The following POT1 variants were observed in gnomAD, a reference collection of about 807,000 sequenced individuals.
POT1 encodes the protein protection of telomeres 1.
A neutral mutation model predicts 78.5 loss-of-function variants in POT1; 47 were observed. That is an observed-to-expected ratio of 0.60 (90% CI 0.47 to 0.76). POT1 has a LOEUF of 0.76. Ranked by LOEUF, POT1 falls within the 30% of genes least tolerant of loss-of-function variation. The pLI is 0.00. For synonymous variants in POT1, 259 were observed against 260.7 expected (o/e 0.99, Z 0.06); for missense variants, 646 against 749.9 (o/e 0.86, Z 1.62).
chr7:124,861,530 T>C (rs1416434774), intron 8 of POT1, among the ~76,000 whole-genome samples: 6 of 112,608 alleles, frequency 5.3e-5, no homozygotes, highest in Middle Eastern at 4.2e-3. Flanking sequence ...ATTGCAAAAA[T>C]TTTCTCCCAT....
At chr7:124,825,068 T>C (rs575721186) in intron 18 of POT1, among the ~76,000 whole-genome samples, 184 bp downstream of exon 18, 1 of 152,146 alleles carries the variant, frequency 6.6e-6, no homozygotes, top group African/African-American at 2.4e-5. Context: ...GCAGGAATTA[T>C]GATTCATAAC....
At chr7:124,884,550 T>C (rs1229936167) in intron 6 of POT1, among the ~76,000 whole-genome samples, 1 of 152,088 alleles carries the variant, frequency 6.6e-6, no homozygotes, top group Non-Finnish European at 1.5e-5. Context: ...GGTAAGGTAG[T>C]GAGCCCACAG....
At chr7:124,851,822 CTA>C (rs769653903) in intron 11 of POT1, 48 bp downstream of exon 11, 3 of 1,243,270 alleles carry the variant, frequency 2.4e-6, no homozygotes, top group Non-Finnish European at 1.2e-6. Context: ...GTTGATAAAA[CTA>C]TTTTATTTAG....
chr7:124,902,499 CT>C (rs1398162755), intron 3 of POT1, among the ~76,000 whole-genome samples: 1 of 152,142 alleles, frequency 6.6e-6, no homozygotes, highest in Non-Finnish European at 1.5e-5. Context: ...ACCACCAGAC[CT>C]GCCTTACAAG....
intron 1 of POT1, chr7:124,929,445 A>G (rs1468860860): frequency 6.6e-6 from 1 of 152,206 alleles, no homozygotes; most frequent in Non-Finnish European, 1.5e-5. Flanking sequence ...TGAAGAAACA[A>G]AAATTACTGA....
At position 124,929,001 on chromosome 7, in the gene POT1, T is replaced by C. The variant is rs1176796677; in HGVS notation, c.-411-2A>G. 6.6e-6 allele frequency: 1 copy of C among 152,622 alleles called. No homozygotes were observed. The highest frequency in any genetic ancestry group is 2.4e-5 in the African/African-American group (1 of 41,448). The allele number at this position is 152,622 out of a possible 1,614,324, so 9.5% of individuals were successfully genotyped here. ...ACTAGGGAATCTGACAACTTGCTGC[T>C]GAAAATACAAAACCAGTGTTTTACC... On this transcript the variant is annotated splice_acceptor_variant, in intron 1 of 18. Transcript: ENST00000357628. LOFTEE classifies it low-confidence loss of function (5UTR_SPLICE).
At chr7:124,922,184 C>T (rs1482297196) in intron 2 of POT1, among the ~76,000 whole-genome samples, 1 of 151,846 alleles carries the variant, frequency 6.6e-6, no homozygotes, top group Non-Finnish European at 1.5e-5. Flanking sequence ...GAAATAAAGG[C>T]ATTTTCAAAT....
At chr7:124,920,480 G>T (rs1490840578) in intron 2 of POT1, among the ~76,000 whole-genome samples, 1 of 152,102 alleles carries the variant, frequency 6.6e-6, no homozygotes, top group Non-Finnish European at 1.5e-5. Context: ...TTGTGATTGT[G>T]GTTACATACA....
chr7:124,920,331 C>T (rs143452053), intron 2 of POT1, among the ~76,000 whole-genome samples: 114 of 152,150 alleles, frequency 7.5e-4, no homozygotes, highest in African/African-American at 2.4e-3. Flanking sequence ...ATGCAAAAGG[C>T]TACATGCTGT....
intron 18 of POT1, among the ~76,000 whole-genome samples, chr7:124,824,824 T>C (rs566428074): frequency 1.7e-4 from 26 of 151,832 alleles, no homozygotes; most frequent in African/African-American, 4.8e-4. Context: ...TCACAAAAAA[T>C]TGGTAAAACA....
At chr7:124,855,759 G>C (rs1795432915) in intron 9 of POT1, among the ~76,000 whole-genome samples, 1 of 151,626 alleles carries the variant, frequency 6.6e-6, no homozygotes, top group Admixed American at 6.6e-5. Flanking sequence ...GTCATAAACG[G>C]TCAAGAATTT....
At chr7:124,870,131 A>G (rs1242093744) in intron 7 of POT1, among the ~76,000 whole-genome samples, 2 of 152,194 alleles carry the variant, frequency 1.3e-5, no homozygotes, top group Non-Finnish European at 2.9e-5. Context: ...ATGAAGAAAC[A>G]GAAATATTTA....
chr7:124,864,688 C>T (rs974717921), intron 7 of POT1, among the ~76,000 whole-genome samples: 22 of 152,226 alleles, frequency 1.4e-4, no homozygotes, highest in African/African-American at 3.4e-4. Flanking sequence ...TCCTATTTTA[C>T]GCGTTCTACT....
intron 14 of POT1, among the ~76,000 whole-genome samples, chr7:124,839,488 T>C (rs1222338108): frequency 1.3e-5 from 2 of 152,340 alleles, no homozygotes; most frequent in African/African-American, 2.4e-5. Context: ...TGTATTTATA[T>C]CGTTTTCTTT....
At chr7:124,896,368 G>T (rs1456571839) in intron 5 of POT1, among the ~76,000 whole-genome samples, 1 of 151,532 alleles carries the variant, frequency 6.6e-6, no homozygotes, top group Non-Finnish European at 1.5e-5. Context: ...TAACAATTTT[G>T]GGAAATACTA....
intron 2 of POT1, among the ~76,000 whole-genome samples, chr7:124,920,009 T>C (rs1261846994): frequency 1.4e-5 from 1 of 70,998 alleles, no homozygotes; most frequent in Non-Finnish European, 3.1e-5. Context: ...CTTGCCTCCT[T>C]AACAGCTGAA....
chr7:124,835,172 C>G, intron 15 of POT1, 107 bp downstream of exon 15: 1 of 1,349,232 alleles, frequency 7.4e-7, no homozygotes, highest in South Asian at 1.3e-5. Flanking sequence ...CAGCAAACCA[C>G]AATAGCACGT....
intron 2 of POT1, among the ~76,000 whole-genome samples, chr7:124,916,815 T>C (rs1452619985): frequency 6.6e-6 from 1 of 152,140 alleles, no homozygotes; most frequent in Non-Finnish European, 1.5e-5. Context: ...GGGAATTCAT[T>C]CATTTACATG....
At chr7:124,928,106 T>C (rs66539836) in intron 2 of POT1, among the ~76,000 whole-genome samples, 6,690 of 152,260 alleles carry the variant, frequency 0.044, 365 homozygotes, top group African/African-American at 0.12. Flanking sequence ...GCAATGAATG[T>C]TAACTTTAGT....
Sources: gnomAD v4.1 joint callset for allele counts (sites outside exome capture counted in the v4.1 genomes callset) on GRCh38, gnomAD v4.1.1 for gene constraint, MANE v1.5 for transcripts, NCBI Gene and HGNC (gene_info 2026-07-23, HGNC 2026-07-21) for gene names.